Variants in SDK1 observed in about 807,000 individuals in gnomAD.
The protein encoded by SDK1 is sidekick cell adhesion molecule 1.
A neutral mutation model predicts 245.5 loss-of-function variants in SDK1; 157 were observed. That is an observed-to-expected ratio of 0.64 (90% CI 0.56 to 0.73). The LOEUF is 0.73. Ranked by LOEUF, SDK1 falls within the 30% of genes least tolerant of loss-of-function variation. The pLI is 0.00. For synonymous variants in SDK1, 1,647 were observed against 1,278.5 expected (o/e 1.29, Z -6.15); for missense variants, 3,583 against 3,002.3 (o/e 1.19, Z -4.52).
intron 39 of SDK1, 84 bp downstream of exon 39, chr7:4,220,354 A>T (rs993281335): frequency 1.4e-6 from 2 of 1,446,750 alleles, no homozygotes; most frequent in Non-Finnish European, 1.9e-6. Context: ...ATCCATCTAC[A>T]TGGTCAACAA....
At chr7:4,201,547 ACAGT>A (rs1584431884) in intron 35 of SDK1, among the ~76,000 whole-genome samples, 1 of 152,206 alleles carries the variant, frequency 6.6e-6, no homozygotes, top group East Asian at 1.9e-4. Flanking sequence ...CTTTACCCAA[ACAGT>A]CAGTCAATGG....
intron 4 of SDK1, among the ~76,000 whole-genome samples, chr7:3,672,491 A>G (rs1783732867): frequency 6.6e-6 from 1 of 150,492 alleles, no homozygotes; most frequent in Admixed American, 6.7e-5. Flanking sequence ...GCAAAGAAGA[A>G]AGATGAGCTG....
intron 5 of SDK1, among the ~76,000 whole-genome samples, chr7:3,909,790 T>G (rs1172479396): frequency 1.3e-5 from 2 of 152,244 alleles, no homozygotes; most frequent in African/African-American, 4.8e-5. Context: ...TCTTTTTGCA[T>G]AGCGTGCTTG....
At chr7:3,515,291 T>C (rs1005399801) in intron 1 of SDK1, among the ~76,000 whole-genome samples, 5 of 152,110 alleles carry the variant, frequency 3.3e-5, no homozygotes, top group African/African-American at 1.2e-4. Flanking sequence ...AAGAAGAAAA[T>C]TCGTTCTTCT....
At chr7:3,635,011 C>T (rs1376340520) in intron 2 of SDK1, among the ~76,000 whole-genome samples, 10 of 152,148 alleles carry the variant, frequency 6.6e-5, no homozygotes, top group African/African-American at 1.9e-4. Flanking sequence ...ATACATACTG[C>T]AATTACTTGT....
intron 4 of SDK1, among the ~76,000 whole-genome samples, chr7:3,766,716 G>C (rs563550930): frequency 6.6e-6 from 1 of 152,254 alleles, no homozygotes; most frequent in South Asian, 2.1e-4. Flanking sequence ...AATACTAGCT[G>C]TTACAACTTT....
intron 1 of SDK1, among the ~76,000 whole-genome samples, chr7:3,539,235 G>A (rs1428209833): frequency 2.0e-5 from 3 of 152,104 alleles, no homozygotes; most frequent in Admixed American, 1.3e-4. Flanking sequence ...GTTGGAGCAT[G>A]GCTATAAATA....
intron 1 of SDK1, among the ~76,000 whole-genome samples, chr7:3,579,122 C>G (rs1005061126): frequency 2.6e-5 from 4 of 152,018 alleles, no homozygotes; most frequent in African/African-American, 7.2e-5. Flanking sequence ...TATGAAAGTA[C>G]TATCTTCTAC....
intron 5 of SDK1, among the ~76,000 whole-genome samples, chr7:3,912,656 G>GC (rs571206418): frequency 6.6e-6 from 1 of 152,182 alleles, no homozygotes; most frequent in Non-Finnish European, 1.5e-5. Context: ...GGGCTCTCCT[G>GC]CCCCCTGGGC....
intron 1 of SDK1, among the ~76,000 whole-genome samples, chr7:3,558,140 A>G (rs1198038052): frequency 6.6e-6 from 1 of 152,206 alleles, no homozygotes; most frequent in Non-Finnish European, 1.5e-5. Context: ...TAGTTGCCGA[A>G]TCAGATGTTT....
chr7:3,628,499 A>T (rs1174465804), intron 2 of SDK1, among the ~76,000 whole-genome samples: 1 of 152,042 alleles, frequency 6.6e-6, no homozygotes, highest in Non-Finnish European at 1.5e-5. Context: ...GACCTTATGG[A>T]TGCATGTTTG....
chr7:3,826,707 C>T (rs1404965670), intron 5 of SDK1, among the ~76,000 whole-genome samples: 1 of 152,228 alleles, frequency 6.6e-6, no homozygotes, highest in African/African-American at 2.4e-5. Flanking sequence ...TTTTCAGACC[C>T]TTCCTTGGGA....
intron 5 of SDK1, among the ~76,000 whole-genome samples, chr7:3,841,326 G>A (rs1780151916): frequency 6.6e-6 from 1 of 152,196 alleles, no homozygotes; most frequent in African/African-American, 2.4e-5. Flanking sequence ...GATGGTGCTG[G>A]AGGCATCCTT....
chr7:3,788,238 A>G (rs1022300192), intron 4 of SDK1, among the ~76,000 whole-genome samples: 8 of 152,150 alleles, frequency 5.3e-5, no homozygotes, highest in Admixed American at 4.6e-4. Context: ...GCTGCCGGAC[A>G]CCAGACACCT....
rs1361587416 is a variant in SDK1 at position 3,740,124 on chromosome 7, A to G, written c.714-81326A>G. Reference sequence around the variant, plus strand: ...GTGTGTGTGTTGAGGCTTGCCTGCTATGTGCTGGCAGGCAGTTTACAACCC... The same window carrying G: ...GTGTGTGTGTTGAGGCTTGCCTGCTGTGTGCTGGCAGGCAGTTTACAACCC... On this transcript the variant is annotated intron_variant, in intron 4 of 44. Transcript: ENST00000404826. Among the ~76,000 whole-genome samples the G allele has an allele frequency of 3.3e-5, 5 of 152,170 alleles. 1 individual carries two copies. Among genetic ancestry groups the G allele is most frequent in the South Asian group, 4.1e-4 (2 of 4,820 alleles).
intron 35 of SDK1, among the ~76,000 whole-genome samples, chr7:4,203,796 T>C (rs972529410): frequency 3.3e-5 from 5 of 152,244 alleles, no homozygotes; most frequent in African/African-American, 1.2e-4. Flanking sequence ...CGTTGACATA[T>C]ATTTCTCTCT....
chr7:3,646,409 G>C (rs1449918904), intron 4 of SDK1, among the ~76,000 whole-genome samples: 1 of 151,994 alleles, frequency 6.6e-6, no homozygotes, highest in Non-Finnish European at 1.5e-5. Context: ...CTTAACAGGA[G>C]CTATTATTTA....
intron 4 of SDK1, among the ~76,000 whole-genome samples, chr7:3,809,176 G>A (rs775188495): frequency 1.3e-5 from 2 of 152,220 alleles, no homozygotes; most frequent in East Asian, 3.9e-4. Context: ...GAGGAGGCGC[G>A]CTACATGGCG....
intron 1 of SDK1, among the ~76,000 whole-genome samples, chr7:3,371,384 G>A (rs1384251415): frequency 6.6e-6 from 1 of 152,078 alleles, no homozygotes; most frequent in African/African-American, 2.4e-5. Flanking sequence ...ATGACTTGGA[G>A]GACAGTGTCT....
Sources: gnomAD v4.1 joint callset for allele counts (sites outside exome capture counted in the v4.1 genomes callset) on GRCh38, gnomAD v4.1.1 for gene constraint, MANE v1.5 for transcripts, NCBI Gene and HGNC (gene_info 2026-07-23, HGNC 2026-07-21) for gene names.